Variants in NEO1 observed in about 807,000 individuals in gnomAD.
NEO1 encodes the protein neogenin.
A neutral mutation model predicts 159.7 loss-of-function variants in NEO1; 63 were observed. The observed-to-expected ratio is 0.39, with a 90% CI of 0.32 to 0.49. The LOEUF is 0.49. Ranked by LOEUF, NEO1 falls within the 20% of genes least tolerant of loss-of-function variation. The pLI is 0.85. For missense variants in NEO1, 1,615 were observed against 1,831.0 expected, an observed-to-expected ratio of 0.88 and a Z score of 2.15; for synonymous variants, 633 against 662.0, an observed-to-expected ratio of 0.96 and a Z score of 0.67.
At chr15:73,115,482 A>G (rs185062887) in intron 1 of NEO1, among the ~76,000 whole-genome samples, 1 of 152,284 alleles carries the variant, frequency 6.6e-6, no homozygotes, top group East Asian at 1.9e-4. Context: ...TGTGTTTTAT[A>G]TTTCTTTAGA....
rs1199201084 is a variant in NEO1 at position 73,302,827 on chromosome 15, C to T, written c.*131C>T. 7 of 820,264 alleles carry T rather than the reference C, an allele frequency of 8.5e-6. No homozygotes were observed. The allele number at this position is 820,264 out of a possible 1,614,324, so 50.8% of individuals were successfully genotyped here. A position where few individuals can be genotyped will look rare whatever the true frequency, so the allele number is the denominator to read the frequency against. ...CAGAATGAGCCAGCAGACTGGCCAGCGCCTCTGTGTAGGGCTGGCTCCAGG... is the reference window on the plus strand; with the variant it reads ...CAGAATGAGCCAGCAGACTGGCCAGTGCCTCTGTGTAGGGCTGGCTCCAGG... On this transcript the variant is annotated 3_prime_UTR_variant, in exon 29 of 29. Transcript: ENST00000261908.
In NEO1 at chr15:73,085,955, C is replaced by T. The variant is rs534344248; in HGVS notation, c.131-30585C>T. Among the ~76,000 whole-genome samples the T allele has an allele frequency of 3.3e-5, 5 of 152,228 alleles. No individual in the cohort carries two copies. In the East Asian group the frequency reaches 9.6e-4, roughly 29 times the overall value. Reference sequence around the variant, plus strand: ...AAGTTTGAAATTTAGTGAGGTTCGACTTGCCAGTTTTTTTCTTTTATGAAT... The same window carrying T: ...AAGTTTGAAATTTAGTGAGGTTCGATTTGCCAGTTTTTTTCTTTTATGAAT... On this transcript the variant is annotated intron_variant, in intron 1 of 28. Transcript: ENST00000261908.
At chr15:73,202,796 C>T (rs1189826154) in intron 7 of NEO1, among the ~76,000 whole-genome samples, 1 of 152,206 alleles carries the variant, frequency 6.6e-6, no homozygotes, top group Admixed American at 6.5e-5. Context: ...AAAGACTCCA[C>T]ATCCTTCCCT....
At chr15:73,200,670 CTTTTTTTTTTT>C (rs931779531) in intron 7 of NEO1, among the ~76,000 whole-genome samples, 2 of 92,866 alleles carry the variant, frequency 2.2e-5, no homozygotes, top group African/African-American at 7.9e-5. Flanking sequence ...ATTCCCTTAT[CTTTTTTTTTTT>C]TTTTTTTTTT....
chr15:73,220,187 T>G (rs2038153196), intron 7 of NEO1, among the ~76,000 whole-genome samples: 1 of 152,218 alleles, frequency 6.6e-6, no homozygotes, highest in African/African-American at 2.4e-5. Flanking sequence ...TTATGAAGTT[T>G]AGTTTGGCTG....
chr15:73,172,077 G>A (rs1319071385), intron 5 of NEO1, among the ~76,000 whole-genome samples: 2 of 152,176 alleles, frequency 1.3e-5, no homozygotes, highest in East Asian at 1.9e-4. Flanking sequence ...TAATATGTGT[G>A]TAGGGTAGAG....
At chr15:73,162,155 G>A (rs772624203) in intron 5 of NEO1, 1 of 224,636 alleles carries the variant, frequency 4.5e-6, no homozygotes, top group South Asian at 7.8e-5. Context: ...TCCAGGGGCA[G>A]ATCACTTTCC....
At chr15:73,204,903 G>C (rs565280259) in intron 7 of NEO1, among the ~76,000 whole-genome samples, 30 of 152,086 alleles carry the variant, frequency 2.0e-4, no homozygotes, top group African/African-American at 7.2e-4. Context: ...TGTTAATCCA[G>C]CTAGAAGTTG....
At chr15:73,211,482 C>T (rs1026092207) in intron 7 of NEO1, among the ~76,000 whole-genome samples, 3 of 152,068 alleles carry the variant, frequency 2.0e-5, no homozygotes, top group African/African-American at 7.2e-5. Flanking sequence ...TTTGGGAGGC[C>T]GAGGCGGGCG....
intron 1 of NEO1, among the ~76,000 whole-genome samples, chr15:73,106,399 A>G (rs1484020305): frequency 2.0e-5 from 3 of 152,212 alleles, no homozygotes; most frequent in Non-Finnish European, 4.4e-5. Flanking sequence ...ACTAATTTTA[A>G]TAATATATTT....
chr15:73,138,552 C>G (rs1043517346), intron 5 of NEO1, among the ~76,000 whole-genome samples: 1 of 151,772 alleles, frequency 6.6e-6, no homozygotes, highest in African/African-American at 2.4e-5. Flanking sequence ...GTCAGGAGAT[C>G]GAGATCATCC....
chr15:73,207,233 A>G (rs2037290757), intron 7 of NEO1, among the ~76,000 whole-genome samples: 1 of 152,206 alleles, frequency 6.6e-6, no homozygotes, highest in Non-Finnish European at 1.5e-5. Flanking sequence ...CTATATTTTA[A>G]TCATTACTTA....
At chr15:73,242,691 C>CT (rs1190963722) in intron 8 of NEO1, among the ~76,000 whole-genome samples, 2 of 151,978 alleles carry the variant, frequency 1.3e-5, no homozygotes. Context: ...ACAAAAAAAT[C>CT]TTAAGAGAAA....
rs150368121 is a variant in NEO1, at chr15:73,152,829, C to T, written c.1015+16802C>T. On this transcript the variant is annotated intron_variant, in intron 5 of 28. Coordinates refer to ENST00000261908, the MANE Select transcript of NEO1 (RefSeq NM_002499.4). ...CTCCCACATAATTTGGTCACAGAAG[C>T]GTTCTTCTGTGTTGATGATTGTGGT... 6.7e-4 allele frequency among the ~76,000 whole-genome samples: 102 copies of T among 152,082 alleles called. 2 individuals are homozygous for T. In the East Asian group the frequency reaches 0.013, roughly 20 times the overall value.
In NEO1 at chr15:73,115,052, C is replaced by T. The variant is rs529383873; in HGVS notation, c.131-1488C>T. On this transcript the variant is annotated intron_variant, in intron 1 of 28. Coordinates refer to ENST00000261908, the MANE Select transcript of NEO1 (RefSeq NM_002499.4). ...TAAATGGGCATAGAGACCTGAAACA[C>T]TTTTTTTTTTTGAGACGGAGTCTGG... Among the ~76,000 whole-genome samples, 11 of 147,082 alleles carry T rather than the reference C, an allele frequency of 7.5e-5. No homozygotes were observed. In the South Asian group the frequency reaches 2.4e-3, roughly 32 times the overall value.
intron 6 of NEO1, among the ~76,000 whole-genome samples, chr15:73,177,535 A>G (rs1596266132): frequency 6.6e-6 from 1 of 152,148 alleles, no homozygotes; most frequent in South Asian, 2.1e-4. Context: ...TTATACCAAT[A>G]ACAGTAGTTA....
At chr15:73,194,609 T>C (rs1275633044) in intron 7 of NEO1, among the ~76,000 whole-genome samples, 1 of 152,198 alleles carries the variant, frequency 6.6e-6, no homozygotes, top group Admixed American at 6.5e-5. Context: ...AGGCCATTCC[T>C]GAGGGTTCTG....
intron 2 of NEO1, among the ~76,000 whole-genome samples, chr15:73,120,438 C>T (rs759293380): frequency 2.2e-4 from 33 of 150,686 alleles, no homozygotes; most frequent in Non-Finnish European, 3.5e-4. Flanking sequence ...GGCTGTAAAA[C>T]CTGTGTGATT....
chr15:73,215,455 G>T (rs971584221), intron 7 of NEO1, among the ~76,000 whole-genome samples: 2 of 152,092 alleles, frequency 1.3e-5, no homozygotes, highest in Non-Finnish European at 2.9e-5. Flanking sequence ...TATGTCCCTT[G>T]TATGCTGATT....
Sources: gnomAD v4.1 joint callset for allele counts (sites outside exome capture counted in the v4.1 genomes callset) on GRCh38, gnomAD v4.1.1 for gene constraint, MANE v1.5 for transcripts, NCBI Gene and HGNC (gene_info 2026-07-23, HGNC 2026-07-21) for gene names.